Variants in NRXN3 observed in about 807,000 individuals in gnomAD.
The protein encoded by NRXN3 is neurexin III.
NRXN3 carries 32 observed loss-of-function variants against 137.6 expected under a neutral mutation model. The ratio of observed to expected loss-of-function variants is 0.23; its 90% CI spans 0.18 to 0.31. The LOEUF (loss-of-function observed/expected upper bound fraction) is 0.31, where lower values mean the gene tolerates loss of function less well. NRXN3 is among the 10% of genes least tolerant of loss of function. The pLI is 1.00. For missense variants in NRXN3, 1,574 were observed against 2,062.5 expected, an observed-to-expected ratio of 0.76 and a Z score of 4.59; for synonymous variants, 798 against 784.5, an observed-to-expected ratio of 1.02 and a Z score of -0.29.
chr14:79,555,200 A>G (rs2097417394), intron 16 of NRXN3, among the ~76,000 whole-genome samples: 1 of 152,146 alleles, frequency 6.6e-6, no homozygotes, highest in Admixed American at 6.6e-5. Context: ...AACAGAAGAG[A>G]GGTCATTCCA....
intron 16 of NRXN3, among the ~76,000 whole-genome samples, chr14:79,593,232 T>A (rs948247922): frequency 2.6e-5 from 4 of 152,176 alleles, no homozygotes; most frequent in Non-Finnish European, 5.9e-5. Context: ...ATTTTTACAA[T>A]TATTCACATC....
In NRXN3 at chr14:79,684,658, C is replaced by G. The variant is rs979426441; in HGVS notation, c.3617-7515C>G. On this transcript the variant is annotated intron_variant, in intron 17 of 20. Transcript: ENST00000335750. ...GCGGAATTGTCCTCCCAAACCTCCT[C>G]CCTGTCCTCTGAGCTGTGTGGGGAC... Among the ~76,000 whole-genome samples the G allele has an allele frequency of 2.6e-5, 4 of 152,138 alleles. 1 individual carries two copies. The highest frequency in any genetic ancestry group is 2.9e-5 in the Non-Finnish European group (2 of 68,028).
chr14:79,690,225 T>A (rs2098711292), intron 17 of NRXN3, among the ~76,000 whole-genome samples: 1 of 152,268 alleles, frequency 6.6e-6, no homozygotes, highest in African/African-American at 2.4e-5. Context: ...AAGGTACACG[T>A]TCTTTTTCTA....
chr14:79,248,101 C>T (rs2075443750), intron 15 of NRXN3, among the ~76,000 whole-genome samples: 1 of 152,140 alleles, frequency 6.6e-6, no homozygotes, highest in African/African-American at 2.4e-5. Context: ...CCAAGTAGCT[C>T]AGACTACAGG....
intron 4 of NRXN3, among the ~76,000 whole-genome samples, chr14:78,537,385 A>G (rs2096546413): frequency 6.6e-6 from 1 of 152,110 alleles, no homozygotes; most frequent in Non-Finnish European, 1.5e-5. Flanking sequence ...ACATGTGTCT[A>G]TTAATTGGCT....
At chr14:78,173,447 C>G (rs1237171244) in intron 1 of NRXN3, among the ~76,000 whole-genome samples, 1 of 150,640 alleles carries the variant, frequency 6.6e-6, no homozygotes, top group Non-Finnish European at 1.5e-5. Flanking sequence ...GACGGGTTGT[C>G]AGTCTTGGAT....
chr14:79,675,007 T>A (rs1482999139), intron 17 of NRXN3, among the ~76,000 whole-genome samples: 1 of 152,026 alleles, frequency 6.6e-6, no homozygotes, highest in Non-Finnish European at 1.5e-5. Flanking sequence ...CACTATTTGT[T>A]TTTGAATCAT....
intron 4 of NRXN3, among the ~76,000 whole-genome samples, chr14:78,630,923 T>C (rs1363629147): frequency 6.6e-6 from 1 of 152,230 alleles, no homozygotes; most frequent in African/African-American, 2.4e-5. Flanking sequence ...AAATGTATTA[T>C]AGATTGATGA....
intron 8 of NRXN3, among the ~76,000 whole-genome samples, chr14:78,733,323 G>C (rs1049515279): frequency 2.6e-5 from 4 of 152,050 alleles, no homozygotes; most frequent in Non-Finnish European, 5.9e-5. Flanking sequence ...TCCAAAACTT[G>C]ACAAATCCTT....
chr14:79,091,392 A>G (rs1875597), intron 15 of NRXN3, among the ~76,000 whole-genome samples: 150,875 of 152,246 alleles, frequency 0.99, 74,782 homozygotes, highest in Middle Eastern at 1. Context: ...GAGTTAATAC[A>G]AGTAGTATTT....
intron 15 of NRXN3, among the ~76,000 whole-genome samples, chr14:79,343,832 T>C (rs949355391): frequency 6.6e-6 from 1 of 152,172 alleles, no homozygotes; most frequent in African/African-American, 2.4e-5. Flanking sequence ...GGAGATGTTG[T>C]CTTGCTCTCT....
intron 19 of NRXN3, among the ~76,000 whole-genome samples, chr14:79,707,613 A>G (rs1380258951): frequency 1.3e-5 from 2 of 152,176 alleles, no homozygotes; most frequent in African/African-American, 4.8e-5. Flanking sequence ...GCTGTCTTAA[A>G]TGGGATTATA....
Position 78,225,979 on chromosome 14 carries a change from GTGTGTGTGTGTGT to G in NRXN3, c.-703-16411_-703-16399del, listed in dbSNP as rs2064561009. 6.1e-5 allele frequency among the ~76,000 whole-genome samples: 5 copies of G among 81,544 alleles called. No individual in the cohort carries two copies. The Admixed American group carries it at 6.5e-4, about 11-fold the overall frequency. 53.5% of individuals were successfully genotyped at this position (81,544 alleles called of 152,430 possible). A position where few individuals can be genotyped will look rare whatever the true frequency, so the allele number is the denominator to read the frequency against. On this transcript the variant is annotated intron_variant, in intron 1 of 20. Transcript: ENST00000335750. ...TGTGTGTGTGTGTGTGTGTTGGTGTGTGTGTGTGTGTGTGTGTGTGTGTGTGTGTGTGTGTGTG... is the reference window on the plus strand; with the variant it reads ...TGTGTGTGTGTGTGTGTGTTGGTGTGGTGTGTGTGTGTGTGTGTGTGTGTG...
chr14:79,279,932 G>GT (rs1195929133), intron 15 of NRXN3: 3 of 1,080,296 alleles, frequency 2.8e-6, no homozygotes, highest in Non-Finnish European at 3.4e-6. Context: ...GGAGTGTGCG[G>GT]TTAAGTCATC....
intron 16 of NRXN3, among the ~76,000 whole-genome samples, chr14:79,481,738 G>A (rs1003740824): frequency 4.6e-5 from 7 of 152,208 alleles, no homozygotes; most frequent in African/African-American, 1.7e-4. Flanking sequence ...ACCAAAGTTT[G>A]ATTATCACTC....
chr14:79,487,966 A>G (rs1371315803), intron 16 of NRXN3, among the ~76,000 whole-genome samples: 2 of 152,176 alleles, frequency 1.3e-5, no homozygotes, highest in African/African-American at 4.8e-5. Flanking sequence ...TCCCTTCCCC[A>G]GAGGGTTATT....
At chr14:79,362,640 CTTTACACAA>C (rs902411041) in intron 15 of NRXN3, among the ~76,000 whole-genome samples, 1 of 152,154 alleles carries the variant, frequency 6.6e-6, no homozygotes, top group African/African-American at 2.4e-5. Flanking sequence ...TAGAAATGAT[CTTTACACAA>C]TTGTAAAACA....
chr14:78,447,520 G>C (rs1004108949), intron 4 of NRXN3, among the ~76,000 whole-genome samples: 1 of 152,200 alleles, frequency 6.6e-6, no homozygotes, highest in African/African-American at 2.4e-5. Flanking sequence ...TAAGAGGAAA[G>C]ATAATGACCA....
At chr14:78,349,295 C>T (rs1030605073) in intron 4 of NRXN3, among the ~76,000 whole-genome samples, 1 of 152,166 alleles carries the variant, frequency 6.6e-6, no homozygotes, top group African/African-American at 2.4e-5. Context: ...AATGTTACCC[C>T]TTTTTCTCCC....
Sources: allele counts gnomAD v4.1 joint callset (sites outside exome capture counted in the v4.1 genomes callset), GRCh38; gene constraint gnomAD v4.1.1; transcripts MANE v1.5; gene names NCBI Gene and HGNC (gene_info 2026-07-23, HGNC 2026-07-21).